Variants in SPAG9 observed in about 807,000 individuals in gnomAD.
The protein encoded by SPAG9 is sperm associated antigen 9.
Under a neutral mutation model 166.5 loss-of-function variants are expected in SPAG9, and 35 were observed. That is an observed-to-expected ratio of 0.21 (90% confidence interval 0.16 to 0.28). SPAG9 has a LOEUF of 0.28. Ranked by LOEUF, SPAG9 falls within the 10% of genes least tolerant of loss-of-function variation. The pLI, the probability that SPAG9 is intolerant of heterozygous loss-of-function variation, is 1.00. For missense variants in SPAG9, 1,235 were observed against 1,603.3 expected, an observed-to-expected ratio of 0.77 and a Z score of 3.92; for synonymous variants, 534 against 565.5, an observed-to-expected ratio of 0.94 and a Z score of 0.79.
chr17:50,998,421 T>C, intron 15 of SPAG9, 23 bp downstream of exon 15: 1 of 1,596,246 alleles, frequency 6.3e-7, no homozygotes, highest in Non-Finnish European at 8.6e-7. Flanking sequence ...TAGAATATAA[T>C]GATTAATTTG....
intron 1 of SPAG9, among the ~76,000 whole-genome samples, chr17:51,101,041 G>A (rs17572921): frequency 0.014 from 2,175 of 151,944 alleles, 28 homozygotes; most frequent in Middle Eastern, 0.021. Flanking sequence ...ATAGGCAATC[G>A]TCTTTTTAAA....
intron 1 of SPAG9, among the ~76,000 whole-genome samples, chr17:51,090,257 C>T (rs979487003): frequency 8.5e-5 from 13 of 152,128 alleles, no homozygotes; most frequent in African/African-American, 3.1e-4. Context: ...TGCGGTGGCT[C>T]AAGCCTGTAA....
Position 50,987,212 on chromosome 17 carries a change from G to T in SPAG9, c.2839C>A (p.Gln947Lys). The change falls in exon 22 of 30, where the codon CAA (glutamine) becomes AAA (lysine). Residue 947 changes from glutamine (Q) to lysine (K), a missense_variant. Physicochemically the swap from Gln to Lys is moderately conservative, Grantham distance 53. Transcript: ENST00000262013. ...SSNDSDAYKD[Q>K]ISVLPNEQDL... is the part of the protein sequence containing the mutation. ...TGTTCATTTGGCAGTACTGATATTT[G>T]ATCTTTATATGCATCTGAGTCATTG... is the stretch of plus-strand genomic sequence containing the variant. The T allele has an allele frequency of 6.2e-7, 1 of 1,611,692 alleles. No homozygotes were observed. Among genetic ancestry groups the T allele is most frequent in the Non-Finnish European group, 8.5e-7 (1 of 1,179,182 alleles).
At position 50,982,672 on chromosome 17, in the gene SPAG9, T is replaced by G. The variant is rs774895860; in HGVS notation, c.3089A>C (p.Asp1030Ala). The change falls in exon 25 of 30, where the codon GAT becomes GCT. Residue 1030 changes from aspartate to alanine, a missense_variant and splice_region_variant. Asp to Ala is a moderately radical substitution (Grantham distance 126). Coordinates refer to ENST00000262013, the MANE Select transcript of SPAG9 (RefSeq NM_001130528.3). Reference protein sequence around the residue: ...GTLAIFHRGVDGQWDLSNYHL... With the variant: ...GTLAIFHRGVAGQWDLSNYHL... ...ATAGTTTGACAAATCCCACTGCCCA[T>G]CTTTAAAAAAAATAAAAGGTTATAG... 6.3e-7 allele frequency: 1 copy of G among 1,598,034 alleles called. No homozygotes were observed.
intron 6 of SPAG9, 180 bp downstream of exon 6, chr17:51,031,500 AT>A (rs1320747515): frequency 4.9e-5 from 28 of 574,190 alleles, no homozygotes; most frequent in African/African-American, 7.5e-5. Flanking sequence ...TAAATTACAG[AT>A]TGCAGTAAAG....
Position 51,079,630 on chromosome 17 carries a change from A to G in SPAG9, c.378T>C (p.Ser126=). The stretch of plus-strand genomic sequence containing the variant: ...CTTTCAGCTCAAGTTGTCTTGTTTG[A>G]GATTCTAAAGATTCCACTCGGGTCT... ...DLQTRVESLE[S]QTRQLELKAK... The change falls in exon 2 of 30, where the codon TCT becomes TCC. Residue 126 remains serine, a synonymous_variant. Transcript: ENST00000262013. The G allele has an allele frequency of 1.2e-6, 2 of 1,613,364 alleles. No individual in the cohort carries two copies. The highest frequency in any genetic ancestry group is 1.7e-6 in the Non-Finnish European group (2 of 1,179,358).
chr17:51,115,383 G>T (rs77554505), intron 1 of SPAG9, among the ~76,000 whole-genome samples: 8 of 151,118 alleles, frequency 5.3e-5, no homozygotes, highest in African/African-American at 1.7e-4. Flanking sequence ...GGGGAAGAGG[G>T]GTCTCACTAC....
chr17:51,061,217 A>G (rs2047506032), intron 2 of SPAG9, among the ~76,000 whole-genome samples: 1 of 152,180 alleles, frequency 6.6e-6, no homozygotes, highest in Non-Finnish European at 1.5e-5. Flanking sequence ...TTACAGAACA[A>G]AACATTATAA....
At chr17:51,088,659 T>C (rs551909842) in intron 1 of SPAG9, among the ~76,000 whole-genome samples, 2 of 152,072 alleles carry the variant, frequency 1.3e-5, no homozygotes, top group African/African-American at 2.4e-5. Context: ...TTAGGCGGAC[T>C]TGGTGGCGGG....
In SPAG9 at chr17:50,998,524, A is replaced by G; in HGVS notation, c.1758T>C (p.Thr586=). 1 of 1,614,134 alleles carries G rather than the reference A, an allele frequency of 6.2e-7. No homozygotes were observed. Among genetic ancestry groups the G allele is most frequent in the Non-Finnish European group, 8.5e-7 (1 of 1,179,990 alleles). Residue 586 remains threonine (T), a synonymous_variant, in exon 15 of 30, where the codon ACT becomes ACC. Coordinates refer to ENST00000262013, the MANE Select transcript of SPAG9 (RefSeq NM_001130528.3). Reference sequence around the variant, plus strand: ...TGCTGCTTCTTTTCTTGACGGACGGAGTAACATGAGACGTGGGTGCATTGT... The same window carrying G: ...TGCTGCTTCTTTTCTTGACGGACGGGGTAACATGAGACGTGGGTGCATTGT... ...LKYNAPTSHV[T]PSVKKRSSTL...
chr17:50,983,019 T>C (rs1974771979), intron 24 of SPAG9, among the ~76,000 whole-genome samples: 1 of 152,244 alleles, frequency 6.6e-6, no homozygotes, highest in Non-Finnish European at 1.5e-5. Context: ...GAATAACGTC[T>C]CTCAGTCACG....
At position 50,979,795 on chromosome 17, in the gene SPAG9, A is replaced by G. The variant is rs372100455; in HGVS notation, c.3360T>C (p.Tyr1120=). ...STLRLYHAHT[Y]QHLQDVDIEP... ...CAATGTCCACATCCTGTAGATGTTG[A>G]TAAGTGTGTGCATGATAGAGACGGA... The change falls in exon 26 of 30, where the codon TAT becomes TAC. Residue 1120 remains tyrosine (Y), a synonymous_variant. Transcript: ENST00000262013. 37 of 1,614,042 alleles carry G rather than the reference A, an allele frequency of 2.3e-5. No homozygotes were observed. Among genetic ancestry groups the G allele is most frequent in the Admixed American group, 3.3e-5 (2 of 60,006 alleles).
chr17:51,095,667 T>A (rs899296745), intron 1 of SPAG9, among the ~76,000 whole-genome samples: 2 of 143,374 alleles, frequency 1.4e-5, no homozygotes, highest in Non-Finnish European at 1.5e-5. Flanking sequence ...AAGAAAAAAA[T>A]GTGTATATAT....
chr17:51,061,563 T>TCACAA (rs1053095589), intron 2 of SPAG9, among the ~76,000 whole-genome samples: 4 of 116,090 alleles, frequency 3.4e-5, no homozygotes, highest in Admixed American at 1.3e-4. Context: ...TGAGGTGAGA[T>TCACAA]CACAACATTG....
At chr17:51,112,042 TA>T (rs34068050) in intron 1 of SPAG9, among the ~76,000 whole-genome samples, 37,560 of 151,426 alleles carry the variant, frequency 0.25, 5,307 homozygotes, top group Admixed American at 0.34. Flanking sequence ...TCTTTGTCTT[TA>T]AAAAAAAATG....
chr17:51,097,965 G>A (rs934952341), intron 1 of SPAG9, among the ~76,000 whole-genome samples: 5 of 152,078 alleles, frequency 3.3e-5, no homozygotes, highest in Non-Finnish European at 7.4e-5. Context: ...TGGGACTACA[G>A]GCACATGCCA....
chr17:51,069,532 T>C (rs1316052256), intron 2 of SPAG9, among the ~76,000 whole-genome samples: 2 of 152,132 alleles, frequency 1.3e-5, no homozygotes, highest in Non-Finnish European at 2.9e-5. Context: ...AAATTCTTAA[T>C]TTATCAATCA....
rs182326724 is a variant in SPAG9, at chr17:51,109,426, G to A, written c.303+10928C>T. Among the ~76,000 whole-genome samples the A allele has an allele frequency of 2.9e-3, 433 of 148,564 alleles. 2 individuals are homozygous for A. Among genetic ancestry groups the A allele is most frequent in the African/African-American group, 0.01 (409 of 40,348 alleles). Reference sequence around the variant, plus strand: ...TAATTTTTGTATTTTTAGTAGAGACGGGGTTTCACCATGTTGGTCAGGCTG... The same window carrying A: ...TAATTTTTGTATTTTTAGTAGAGACAGGGTTTCACCATGTTGGTCAGGCTG... On this transcript the variant is annotated intron_variant, in intron 1 of 29. Transcript: ENST00000262013.
intron 1 of SPAG9, among the ~76,000 whole-genome samples, chr17:51,105,711 T>C (rs980651825): frequency 2.0e-5 from 3 of 151,528 alleles, no homozygotes; most frequent in South Asian, 2.1e-4. Flanking sequence ...CTACTAAAAA[T>C]ACAAAAAAAT....
Sources: allele counts gnomAD v4.1 joint callset (sites outside exome capture counted in the v4.1 genomes callset), GRCh38; gene constraint gnomAD v4.1.1; transcripts MANE v1.5; gene names NCBI Gene and HGNC (gene_info 2026-07-23, HGNC 2026-07-21).